The following STKLD1 variants were observed in gnomAD, a reference collection of about 807,000 sequenced individuals.
STKLD1 encodes serine/threonine kinase like domain containing 1, also known as serine/threonine kinase-like domain-containing protein STKLD1.
A neutral mutation model predicts 80.4 loss-of-function variants in STKLD1; 79 were observed. That is an observed-to-expected ratio of 0.98 (90% CI 0.82 to 1.19). The LOEUF (loss-of-function observed/expected upper bound fraction) is 1.19, where lower values mean the gene tolerates loss of function less well. STKLD1 is among the 50% of genes most tolerant of loss of function. The pLI, the probability that STKLD1 is intolerant of heterozygous loss-of-function variation, is 0.00. For synonymous variants in STKLD1, 393 were observed against 357.6 expected (o/e 1.10, Z -1.12); for missense variants, 841 against 856.0 (o/e 0.98, Z 0.22).
intron 11 of STKLD1, 47 bp downstream of exon 11, chr9:133,398,102 G>C: frequency 4.4e-6 from 7 of 1,573,988 alleles, no homozygotes; most frequent in Non-Finnish European, 5.2e-6. Flanking sequence ...CCTAGGGGCA[G>C]AAGCTATGGT....
At chr9:133,386,934 C>T (rs931141401) in intron 4 of STKLD1, among the ~76,000 whole-genome samples, 1 of 152,210 alleles carries the variant, frequency 6.6e-6, no homozygotes, top group Non-Finnish European at 1.5e-5. Context: ...GGGAGGGGAC[C>T]TCACTGCATG....
intron 1 of STKLD1, 98 bp from the exon 2 acceptor site, chr9:133,378,938 G>A (rs1009935064): frequency 2.9e-6 from 3 of 1,044,568 alleles, no homozygotes; most frequent in Non-Finnish European, 4.3e-6. Flanking sequence ...CAGCCTGACA[G>A]GGGAGTTAGC....
Position 133,397,242 on chromosome 9 carries a change from G to A in STKLD1, c.945G>A (p.Val315=), listed in dbSNP as rs782802583. 2 of 1,613,908 alleles carry A rather than the reference G, an allele frequency of 1.2e-6. No homozygotes were observed. Among genetic ancestry groups the A allele is most frequent in the Non-Finnish European group, 1.7e-6 (2 of 1,180,016 alleles). ...CVSLTLHRQM[V]PASITDMLLE... ...CTCTGACCCTGCACCGGCAGATGGT[G>A]CCTGCGTCCATCACCGACATGCTGT... is the stretch of plus-strand genomic sequence containing the variant. The change falls in exon 10 of 18, where the codon GTG becomes GTA. Residue 315 remains valine (V), a synonymous_variant. Coordinates refer to ENST00000371957, the MANE Select transcript of STKLD1 (RefSeq NM_153710.5).
chr9:133,401,740 C>G lies in STKLD1; in HGVS notation c.1201C>G (p.Leu401Val). 1 of 1,612,036 alleles carries G rather than the reference C, an allele frequency of 6.2e-7. No homozygotes were observed. The highest frequency in any genetic ancestry group is 8.5e-7 in the Non-Finnish European group (1 of 1,179,702). The part of the protein sequence containing the change: ...SLLLHLLGQA[L>V]VHHPEAKAPC... ...GCGTCTTCCTCTGGCTTGAGCAGCG[C>G]TGGTGCACCACCCGGAAGCCAAGGC... The change falls in exon 13 of 18, where the codon CTG (leucine) becomes GTG (valine). Residue 401 changes from leucine (L) to valine (V), a missense_variant and splice_region_variant. Transcript: ENST00000371957.
chr9:133,404,037 T>C lies in STKLD1; in HGVS notation c.1721T>C (p.Val574Ala), dbSNP rs149564377. Residue 574 changes from valine to alanine, a missense_variant, in exon 16 of 18, where the codon GTG becomes GCG. Coordinates refer to ENST00000371957, the MANE Select transcript of STKLD1 (RefSeq NM_153710.5). The stretch of plus-strand genomic sequence containing the variant: ...GCCTACCGGGGACTGGCCAGCCTGG[T>C]GAAGGTGTCAGGTGAGCCTGGGGAC... ...NNAYRGLASL[V>A]KVSELAAFKV... 3.0e-5 allele frequency: 48 copies of C among 1,605,310 alleles called. 1 individual carries two copies. The Admixed American group carries it at 7.8e-4, about 26-fold the overall frequency.
At chr9:133,405,187 C>T (rs782758080) in intron 17 of STKLD1, 65 bp from the exon 18 acceptor site, 22 of 1,526,704 alleles carry the variant, frequency 1.4e-5, no homozygotes, top group Non-Finnish European at 1.8e-5. Context: ...TCTCATCCTT[C>T]TGGGGCTTCT....
In STKLD1 at chr9:133,405,662, T is replaced by C; in HGVS notation, c.*241T>C. On this transcript the variant is annotated 3_prime_UTR_variant, in exon 18 of 18. Transcript: ENST00000371957. ...CCTGCTTCCTCCTTCCAGGAACTGG[T>C]TTCTTGCGCGGAAAAAGTGCTCTTG... 1 of 404,422 alleles carries C rather than the reference T, an allele frequency of 2.5e-6. No homozygotes were observed. Among genetic ancestry groups the C allele is most frequent in the Non-Finnish European group, 4.4e-6 (1 of 229,038 alleles). 25.1% of individuals were successfully genotyped at this position (404,422 alleles called of 1,614,324 possible). A position where few individuals can be genotyped will look rare whatever the true frequency, so the allele number is the denominator to read the frequency against.
intron 10 of STKLD1, among the ~76,000 whole-genome samples, chr9:133,397,666 G>A (rs941459214): frequency 3.9e-5 from 6 of 152,194 alleles, no homozygotes; most frequent in African/African-American, 1.2e-4. Context: ...AGTGGTCCCA[G>A]GACATCTTCC....
rs950313486 is a variant in STKLD1 at position 133,390,627 on chromosome 9, G to A, written c.468-54G>A. The stretch of plus-strand genomic sequence containing the variant: ...GGTCCCACCTGGGGTTGTGGGTGGT[G>A]GCTGCCCAGGTGGCCCCTTGGCATC... On this transcript the variant is annotated intron_variant, in intron 6 of 17. Transcript: ENST00000371957. This position sits in a 1 kb window ranked among gnomAD's most constrained non-coding sequence, Gnocchi z 5.1. 7 of 1,391,254 alleles carry A rather than the reference G, an allele frequency of 5.0e-6. No individual in the cohort carries two copies. The highest frequency in any genetic ancestry group is 7.1e-6 in the Non-Finnish European group (7 of 980,146). 86.2% of individuals were successfully genotyped at this position (1,391,254 alleles called of 1,614,324 possible).
In STKLD1 at chr9:133,380,499, C is replaced by G. The variant is rs1210385172; in HGVS notation, c.174+1377C>G. 2.0e-5 allele frequency among the ~76,000 whole-genome samples: 3 copies of G among 151,986 alleles called. No individual in the cohort carries two copies. In the East Asian group the frequency reaches 5.9e-4, roughly 30 times the overall value. On this transcript the variant is annotated intron_variant, in intron 2 of 17. Transcript: ENST00000371957. Reference sequence around the variant, plus strand: ...TGAAACCCCATCTCTACTAAAAATACAAAAATTAGCTGAGCATGGTGGTGG... The same window carrying G: ...TGAAACCCCATCTCTACTAAAAATAGAAAAATTAGCTGAGCATGGTGGTGG...
At position 133,394,283 on chromosome 9, in the gene STKLD1, A is replaced by G; in HGVS notation, c.584-8A>G. 6.2e-7 allele frequency: 1 copy of G among 1,603,018 alleles called. No homozygotes were observed. Among genetic ancestry groups the G allele is most frequent in the African/African-American group, 1.3e-5 (1 of 74,752 alleles). On this transcript the variant is annotated splice_region_variant and splice_polypyrimidine_tract_variant and intron_variant, in intron 7 of 17. Transcript: ENST00000371957. The surrounding 1 kb of genome is among the most constrained non-coding windows in gnomAD (Gnocchi z 4.9). The stretch of plus-strand genomic sequence containing the variant: ...GACTCAGGGATCCCACCTTGCTTTT[A>G]CCAACAGACCCCTTTCGTAAGTCCT...
chr9:133,377,437 G>T (rs2130254000), intron 1 of STKLD1, among the ~76,000 whole-genome samples: 1 of 152,222 alleles, frequency 6.6e-6, no homozygotes, highest in Non-Finnish European at 1.5e-5. Flanking sequence ...AGGCCAAGGC[G>T]GGCGGATCAC....
intron 15 of STKLD1, 34 bp from the exon 16 acceptor site, chr9:133,403,886 A>G: frequency 6.2e-7 from 1 of 1,609,828 alleles, no homozygotes; most frequent in Non-Finnish European, 8.5e-7. Context: ...CTCATGGCAC[A>G]GCAGGCACAA....
rs587748155 is a variant in STKLD1 at position 133,396,260 on chromosome 9, CCT to C, written c.866+498_866+499del. On this transcript the variant is annotated intron_variant, in intron 9 of 17. Coordinates refer to ENST00000371957, the MANE Select transcript of STKLD1 (RefSeq NM_153710.5). Reference sequence around the variant, plus strand: ...CTAGCCTGGGTAACATGGCGAAACCCCTGTCTCTACGAAAAATACAAAAAATT... The same window carrying C: ...CTAGCCTGGGTAACATGGCGAAACCCGTCTCTACGAAAAATACAAAAAATT... Among the ~76,000 whole-genome samples, 93 of 152,248 alleles carry C rather than the reference CCT, an allele frequency of 6.1e-4. 1 individual carries two copies. Among genetic ancestry groups the C allele is most frequent in the Middle Eastern group, 3.4e-3 (1 of 294 alleles).
intron 7 of STKLD1, among the ~76,000 whole-genome samples, chr9:133,392,434 G>A (rs1554775907): frequency 5.3e-5 from 8 of 151,794 alleles, no homozygotes; most frequent in Non-Finnish European, 1.2e-4. Flanking sequence ...GTGGGTGGTA[G>A]GATGGATAGG....
Position 133,387,798 on chromosome 9 carries a change from C to T in STKLD1, c.396+250C>T, listed in dbSNP as rs2130280815. On this transcript the variant is annotated intron_variant, in intron 5 of 17. Coordinates refer to ENST00000371957, the MANE Select transcript of STKLD1 (RefSeq NM_153710.5). ...TTCCTAACACTAGAAGGTTCCCAGT[C>T]GGTGACCATGATTCCAGATTGTTCT... The T allele has an allele frequency of 4.3e-4, 262 of 611,916 alleles. 2 individuals carry two copies. The highest frequency in any genetic ancestry group is 4.1e-3 in the African/African-American group (225 of 55,298). 37.9% of individuals were successfully genotyped at this position (611,916 alleles called of 1,614,324 possible).
chr9:133,405,755 A>G lies in STKLD1; in HGVS notation c.*334A>G, dbSNP rs1360038864. The G allele has an allele frequency of 1.4e-5, 3 of 207,382 alleles. No homozygotes were observed. The highest frequency in any genetic ancestry group is 1.2e-4 in the Admixed American group (2 of 16,960). The allele number at this position is 207,382 out of a possible 1,614,324, so 12.8% of individuals were successfully genotyped here. On this transcript the variant is annotated 3_prime_UTR_variant, in exon 18 of 18. Coordinates refer to ENST00000371957, the MANE Select transcript of STKLD1 (RefSeq NM_153710.5). ...GCAGCTCAGCCCTGATGCGGGGGAG[A>G]AGACAGATACCCCACAGGCCCCTCC...
rs1244932523 is a variant in STKLD1 at position 133,389,007 on chromosome 9, G to A, written c.397-519G>A. 1 of 985,276 alleles carries A rather than the reference G, an allele frequency of 1.0e-6. No homozygotes were observed. The highest frequency in any genetic ancestry group is 1.1e-4 in the East Asian group (1 of 8,826). The allele number at this position is 985,276 out of a possible 1,614,324, so 61.0% of individuals were successfully genotyped here. ...CTCAGCCCCTCTCTGACACCCCAGG[G>A]TGGCCCTGAATCCAGGGGCCCTAGG... is the stretch of plus-strand genomic sequence containing the variant. On this transcript the variant is annotated intron_variant, in intron 5 of 17. Coordinates refer to ENST00000371957, the MANE Select transcript of STKLD1 (RefSeq NM_153710.5). This position sits in a 1 kb window ranked among gnomAD's most constrained non-coding sequence, Gnocchi z 6.4.
chr9:133,397,048 C>T (rs2130677804), intron 9 of STKLD1, 116 bp from the exon 10 acceptor site: 1 of 1,430,112 alleles, frequency 7.0e-7, no homozygotes, highest in East Asian at 2.4e-5. Context: ...ACAGGGAGTT[C>T]AGTGTCCAGT....
Sources: allele counts gnomAD v4.1 joint callset (sites outside exome capture counted in the v4.1 genomes callset), GRCh38; gene constraint gnomAD v4.1.1; non-coding constraint Gnocchi (gnomAD v3.1); transcripts MANE v1.5; gene names NCBI Gene and HGNC (gene_info 2026-07-23, HGNC 2026-07-21).